CRAT: variants seen among roughly 807,000 people sequenced by gnomAD.
The protein encoded by CRAT is carnitine O-acetyltransferase.
In CRAT, 66 loss-of-function variants were observed where a neutral mutation model predicts 73.7. The ratio of observed to expected loss-of-function variants is 0.90; its 90% confidence interval spans 0.73 to 1.10. The LOEUF is 1.10. CRAT is among the 50% of genes least tolerant of loss of function. CRAT has a pLI of 0.00. For missense variants in CRAT, 745 were observed against 846.9 expected (o/e 0.88, Z 1.49); for synonymous variants, 321 against 343.2 (o/e 0.94, Z 0.71).
rs370320116 is a variant in CRAT, at chr9:129,098,245, G to A, written c.1328+4C>T. ...TCCTCCATGGGTGGGCCACAGAGGC[G>A]CACCTGTAGTAGGCCAGCTGCAAAG... On this transcript the variant is annotated splice_donor_region_variant and intron_variant, in intron 10 of 13. Coordinates refer to ENST00000318080, the MANE Select transcript of CRAT (RefSeq NM_000755.5). 4.6e-4 allele frequency: 739 copies of A among 1,613,518 alleles called. 1 individual carries two copies. Among genetic ancestry groups the A allele is most frequent in the Non-Finnish European group, 5.9e-4 (696 of 1,179,920 alleles).
chr9:129,102,129 C>T (rs147223298), intron 5 of CRAT, 72 bp from the exon 6 acceptor site: 24,852 of 1,507,664 alleles, frequency 0.016, 283 homozygotes, highest in Non-Finnish European at 0.019. Flanking sequence ...CACCTCCCCA[C>T]ACCTGCCTCC....
intron 11 of CRAT, 149 bp from the exon 12 acceptor site, chr9:129,097,461 C>CT: frequency 1.8e-6 from 1 of 565,298 alleles, no homozygotes; most frequent in Non-Finnish European, 3.0e-6. Context: ...GTAATCCCAG[C>CT]ACTTTGGGAG....
Position 129,106,363 on chromosome 9 carries a change from T to C in CRAT, c.291+1451A>G, listed in dbSNP as rs1353392354. 6.6e-6 allele frequency among the ~76,000 whole-genome samples: 1 copy of C among 152,024 alleles called. No individual in the cohort carries two copies. Among genetic ancestry groups the C allele is most frequent in the Non-Finnish European group, 1.5e-5 (1 of 67,998 alleles). On this transcript the variant is annotated intron_variant, in intron 2 of 13. Transcript: ENST00000318080. The surrounding 1 kb of genome is among the most constrained non-coding windows in gnomAD (Gnocchi z 4.0). ...AGGGCAGACAGGAGCTTCCTTCCCT[T>C]GGGGAAACAGCCAGGGGCCTGTACT...
Position 129,098,658 on chromosome 9 carries a change from G to A in CRAT, c.1086-8C>T. The A allele has an allele frequency of 1.2e-6, 2 of 1,600,150 alleles. No individual in the cohort carries two copies. The highest frequency in any genetic ancestry group is 1.7e-6 in the Non-Finnish European group (2 of 1,176,462). On this transcript the variant is annotated splice_region_variant and splice_polypyrimidine_tract_variant and intron_variant, in intron 8 of 13. Coordinates refer to ENST00000318080, the MANE Select transcript of CRAT (RefSeq NM_000755.5). Reference sequence around the variant, plus strand: ...ACAAGCTCGGGTTTCTTCCTGCACAGTAAACGGGGCCTCAGGCTCATGCTG... The same window carrying A: ...ACAAGCTCGGGTTTCTTCCTGCACAATAAACGGGGCCTCAGGCTCATGCTG...
Position 129,107,068 on chromosome 9 carries a change from C to T in CRAT, c.291+746G>A, listed in dbSNP as rs565013836. Among the ~76,000 whole-genome samples the T allele has an allele frequency of 4.6e-5, 7 of 152,010 alleles. No homozygotes were observed. The highest frequency in any genetic ancestry group is 8.8e-5 in the Non-Finnish European group (6 of 67,984). ...TTTTTTCCCAAGACAGAGTCTTGCT[C>T]TGTCGCCCAGGCTGGAGTGCAGTGG... On this transcript the variant is annotated intron_variant, in intron 2 of 13. Coordinates refer to ENST00000318080, the MANE Select transcript of CRAT (RefSeq NM_000755.5). The surrounding 1 kb of genome is among the most constrained non-coding windows in gnomAD (Gnocchi z 5.0).
chr9:129,097,924 T>G, intron 11 of CRAT, 89 bp downstream of exon 11: 2 of 1,536,408 alleles, frequency 1.3e-6, no homozygotes, highest in African/African-American at 2.7e-5. Flanking sequence ...GCTGGAATCC[T>G]GTAGGTGCTC....
Position 129,098,566 on chromosome 9 carries a change from C to T in CRAT, c.1170G>A (p.Lys390=). 6.2e-7 allele frequency: 1 copy of T among 1,605,844 alleles called. No homozygotes were observed. Among genetic ancestry groups the T allele is most frequent in the Non-Finnish European group, 8.5e-7 (1 of 1,177,766 alleles). The part of the protein sequence containing the change: ...KLRFNITPEI[K]SDIEKAKQNL... The stretch of plus-strand genomic sequence containing the variant: ...TCTGCTTGGCCTTCTCGATGTCGCT[C>T]TTGATCTCGGGGGTGATGTTGAACC... The change falls in exon 9 of 14, where the codon AAG becomes AAA. Residue 390 remains lysine, a synonymous_variant. Coordinates refer to ENST00000318080, the MANE Select transcript of CRAT (RefSeq NM_000755.5).
At chr9:129,109,022 C>T in intron 1 of CRAT, 1 of 1,229,912 alleles carries the variant, frequency 8.1e-7, no homozygotes, top group Non-Finnish European at 1.0e-6. Context: ...AGAAGCTGCT[C>T]CACCCTCCCG....
intron 6 of CRAT, 97 bp from the exon 7 acceptor site, chr9:129,100,786 G>A: frequency 7.0e-7 from 1 of 1,426,552 alleles, no homozygotes; most frequent in Middle Eastern, 2.0e-4. Flanking sequence ...GGGCTCTTCT[G>A]ACCCATTTGT....
intron 5 of CRAT, 127 bp downstream of exon 5, chr9:129,102,273 G>A (rs1847720693): frequency 7.2e-7 from 1 of 1,385,492 alleles, no homozygotes; most frequent in South Asian, 1.3e-5. Flanking sequence ...GAGAAGCCAG[G>A]GGCGCCCATT....
In CRAT at chr9:129,102,395, C is replaced by A. The variant is rs372410890; in HGVS notation, c.630+5G>T. 6.2e-7 allele frequency: 1 copy of A among 1,613,898 alleles called. No homozygotes were observed. Among genetic ancestry groups the A allele is most frequent in the African/African-American group, 1.3e-5 (1 of 74,932 alleles). ...GGCTTGTAGGTGTGGGTGGGGGCCA[C>A]CCACCTGGTAGTTGTGTACCACGGT... On this transcript the variant is annotated splice_donor_5th_base_variant and intron_variant, in intron 5 of 13. Coordinates refer to ENST00000318080, the MANE Select transcript of CRAT (RefSeq NM_000755.5).
chr9:129,098,410 G>A (rs752628842), intron 9 of CRAT, 39 bp from the exon 10 acceptor site: 3 of 1,608,800 alleles, frequency 1.9e-6, no homozygotes, highest in Non-Finnish European at 1.7e-6. Context: ...GCAGGCCCCG[G>A]CAGCCCCTGC....
intron 1 of CRAT, chr9:129,108,421 C>T: frequency 1.7e-6 from 2 of 1,167,474 alleles, no homozygotes; most frequent in South Asian, 4.3e-5. Context: ...GGAAGAGGAG[C>T]CAGCCAGCAG....
In CRAT at chr9:129,106,795, C is replaced by G. The variant is rs1031833746; in HGVS notation, c.291+1019G>C. On this transcript the variant is annotated intron_variant, in intron 2 of 13. Coordinates refer to ENST00000318080, the MANE Select transcript of CRAT (RefSeq NM_000755.5). The surrounding 1 kb of genome is among the most constrained non-coding windows in gnomAD (Gnocchi z 4.0). ...AACACAGCATTTCCCAGGGCCGGACCCGCTCTGGCTCTCCCACAGGTAGCT... is the reference window on the plus strand; with the variant it reads ...AACACAGCATTTCCCAGGGCCGGACGCGCTCTGGCTCTCCCACAGGTAGCT... Among the ~76,000 whole-genome samples, 15 of 152,166 alleles carry G rather than the reference C, an allele frequency of 9.9e-5. No individual in the cohort carries two copies. Among genetic ancestry groups the G allele is most frequent in the Admixed American group, 9.2e-4 (14 of 15,282 alleles).
In CRAT at chr9:129,110,616, C is replaced by A. The variant is rs1009811992; in HGVS notation, c.-107G>T. The A allele has an allele frequency of 7.7e-7, 1 of 1,293,240 alleles. No homozygotes were observed. The highest frequency in any genetic ancestry group is 1.0e-6 in the Non-Finnish European group (1 of 982,360). The allele number at this position is 1,293,240 out of a possible 1,614,324, so 80.1% of individuals were successfully genotyped here. ...GTCGGTGGGTCCTTGCTAGAGCCTT[C>A]GGGCCAAGGTCGCTGAGTTACAGCC... On this transcript the variant is annotated 5_prime_UTR_variant, in exon 1 of 14. Transcript: ENST00000318080. This position sits in a 1 kb window ranked among gnomAD's most constrained non-coding sequence, Gnocchi z 5.3.
chr9:129,103,618 A>C lies in CRAT; in HGVS notation c.411-552T>G, dbSNP rs1847823032. Among the ~76,000 whole-genome samples the C allele has an allele frequency of 6.6e-6, 1 of 152,072 alleles. No homozygotes were observed. Among genetic ancestry groups the C allele is most frequent in the Non-Finnish European group, 1.5e-5 (1 of 67,994 alleles). ...CCTCAATGCTTGGGGCCGCCCCTGGATCCCACCATGGGGACCAGTGGCTGG... is the reference window on the plus strand; with the variant it reads ...CCTCAATGCTTGGGGCCGCCCCTGGCTCCCACCATGGGGACCAGTGGCTGG... On this transcript the variant is annotated intron_variant, in intron 3 of 13. Coordinates refer to ENST00000318080, the MANE Select transcript of CRAT (RefSeq NM_000755.5). This position sits in a 1 kb window ranked among gnomAD's most constrained non-coding sequence, Gnocchi z 4.6.
chr9:129,102,082 G>A lies in CRAT; in HGVS notation c.631-25C>T, dbSNP rs149447286. ...ACTGTTGGGGCACAGGCAGGTAAGA[G>A]GAGGGAGCTGAGTGGGGACCTCAGG... On this transcript the variant is annotated intron_variant, in intron 5 of 13. Coordinates refer to ENST00000318080, the MANE Select transcript of CRAT (RefSeq NM_000755.5). 10,967 of 1,609,176 alleles carry A rather than the reference G, an allele frequency of 6.8e-3. 55 individuals carry two copies. Among genetic ancestry groups the A allele is most frequent in the South Asian group, 8.4e-3 (757 of 90,402 alleles).
At chr9:129,108,153 G>A (rs1219197984) in intron 1 of CRAT, 76 bp from the exon 2 acceptor site, 2 of 1,470,454 alleles carry the variant, frequency 1.4e-6, no homozygotes, top group South Asian at 1.4e-5. Context: ...GTAGTCCTGG[G>A]CACTTAAGTG....
chr9:129,096,585 C>T (rs1282757913), intron 12 of CRAT, among the ~76,000 whole-genome samples: 1 of 152,258 alleles, frequency 6.6e-6, no homozygotes, highest in Non-Finnish European at 1.5e-5. Flanking sequence ...AGACAGCCAC[C>T]TCCCTGACTG....
Sources: gnomAD v4.1 joint callset for allele counts (sites outside exome capture counted in the v4.1 genomes callset) on GRCh38, gnomAD v4.1.1 for gene constraint, Gnocchi (gnomAD v3.1) non-coding constraint, MANE v1.5 for transcripts, NCBI Gene and HGNC (gene_info 2026-07-23, HGNC 2026-07-21) for gene names.